The following IGFN1 variants were observed in gnomAD, a reference collection of about 807,000 sequenced individuals.
IGFN1 encodes the protein immunoglobulin like and fibronectin type III domain containing 1.
Under a neutral mutation model 289.5 loss-of-function variants are expected in IGFN1, and 253 were observed. The observed-to-expected ratio is 0.87, with a 90% confidence interval of 0.79 to 0.97. IGFN1 has a LOEUF of 0.97. Among genes scored for constraint, IGFN1 ranks in the 50% least tolerant of loss-of-function variants. The probability of loss-of-function intolerance (pLI) is 0.00; values close to 1 mark genes in which losing one functional copy is unlikely to be tolerated. For missense variants in IGFN1, 4,470 were observed against 4,686.1 expected (o/e 0.95, Z 1.35); for synonymous variants, 1,706 against 1,788.5 (o/e 0.95, Z 1.16).
At chr1:201,216,126 C>A (rs1653246231) in intron 15 of IGFN1, 3 of 653,614 alleles carry the variant, frequency 4.6e-6, no homozygotes, top group Non-Finnish European at 8.4e-6. Flanking sequence ...GGTCCCCAGC[C>A]CTGAGTGGTG....
At position 201,228,398 on chromosome 1, in the gene IGFN1, A is replaced by G. The variant is rs1654252556; in HGVS notation, c.11126A>G (p.Ter3709TrpextTer72). 2 of 1,613,868 alleles carry G rather than the reference A, an allele frequency of 1.2e-6. No individual in the cohort carries two copies. The highest frequency in any genetic ancestry group is 1.7e-5 in the Admixed American group (1 of 60,000). ...CTGTGTCTTGCAGAACCCAGCACCTAGCCTCACCTCACCCTGGGATGGTCC... is the reference window on the plus strand; with the variant it reads ...CTGTGTCTTGCAGAACCCAGCACCTGGCCTCACCTCACCCTGGGATGGTCC... ...ATLIVIEPST* is the reference protein window; with the variant it reads ...ATLIVIEPSTW The change falls in exon 24 of 24, where the codon TAG becomes TGG. Residue 3709 changes from the stop codon to tryptophan, a stop_lost. Transcript: ENST00000335211.
chr1:201,203,839 G>C lies in IGFN1; in HGVS notation c.849G>C (p.Glu283Asp), dbSNP rs991869898. ...YEFQIQDLRP[E>D]DSGIYQVKVE... ...TCCAGATTCAAGACCTGAGGCCTGA[G>C]GACTCTGGCATTTACCAGGTCAAGG... Residue 283 changes from glutamate (E) to aspartate (D), a missense_variant, in exon 10 of 24, where the codon GAG becomes GAC. Around this residue, in one of 8 missense-constraint regions of IGFN1, gnomAD observed 2,011 missense variants for 1,953.4 expected, o/e 1.03. Coordinates refer to ENST00000335211, the MANE Select transcript of IGFN1 (RefSeq NM_001164586.2). 3.3e-5 allele frequency: 51 copies of C among 1,551,604 alleles called. No individual in the cohort carries two copies. Among genetic ancestry groups the C allele is most frequent in the Non-Finnish European group, 4.4e-5 (51 of 1,147,012 alleles).
intron 5 of IGFN1, 37 bp downstream of exon 5, chr1:201,197,354 G>C: frequency 7.5e-7 from 1 of 1,324,764 alleles, no homozygotes; most frequent in Non-Finnish European, 1.1e-6. Context: ...TCAGTGCACA[G>C]GGCAGAGACC....
rs761440474 is a variant in IGFN1, at chr1:201,209,030, G to T, written c.4137G>T (p.Arg1379Ser). 1.5e-5 allele frequency: 23 copies of T among 1,536,912 alleles called. No individual in the cohort carries two copies. The South Asian group carries it at 2.6e-4, about 17-fold the overall frequency. The change falls in exon 12 of 24, where the codon AGG becomes AGT. Residue 1379 changes from arginine (R) to serine (S), a missense_variant. Around this residue, in one of 8 missense-constraint regions of IGFN1, gnomAD observed 2,011 missense variants for 1,953.4 expected, o/e 1.03. Transcript: ENST00000335211. Reference protein sequence around the residue: ...EIGSMDETDNRKDLGVPEGMG... With the variant: ...EIGSMDETDNSKDLGVPEGMG... The stretch of plus-strand genomic sequence containing the variant: ...GGTCAATGGATGAAACAGATAATAG[G>T]AAAGATTTGGGGGTTCCTGAGGGAA...
In IGFN1 at chr1:201,206,465, A is replaced by G; in HGVS notation, c.1572A>G (p.Leu524=). The G allele has an allele frequency of 3.2e-6, 5 of 1,551,314 alleles. No homozygotes were observed. Among genetic ancestry groups the G allele is most frequent in the East Asian group, 2.4e-5 (1 of 40,918 alleles). ...GAAGCCTTGCAGAGAGGCCCCATCTACAGGGAGAGAGCTCAGAATCAGGGT... is the reference window on the plus strand; with the variant it reads ...GAAGCCTTGCAGAGAGGCCCCATCTGCAGGGAGAGAGCTCAGAATCAGGGT... ...WARSLAERPH[L]QGESSESGLG... The change falls in exon 12 of 24, where the codon CTA becomes CTG. Residue 524 remains leucine, a synonymous_variant. Coordinates refer to ENST00000335211, the MANE Select transcript of IGFN1 (RefSeq NM_001164586.2).
In IGFN1 at chr1:201,207,719, G is replaced by T. The variant is rs569706043; in HGVS notation, c.2826G>T (p.Lys942Asn). Residue 942 changes from lysine to asparagine, a missense_variant, in exon 12 of 24, where the codon AAG (lysine) becomes AAT (asparagine). By Grantham distance (94) the Lys-to-Asn change is moderately conservative. This residue lies in a region of IGFN1 where 2,011 missense variants were observed against 1,953.4 expected (regional missense o/e 1.03). Transcript: ENST00000335211. ...VKGPRGETGY[K>N]DGLEGPGRME... ...GACCCAGAGGTGAGACAGGCTATAA[G>T]GATGGCTTGGAAGGTCCCGGGAGAA... The T allele has an allele frequency of 6.5e-6, 10 of 1,537,130 alleles. No homozygotes were observed. In the Admixed American group the frequency reaches 1.6e-4, roughly 24 times the overall value.
Position 201,208,510 on chromosome 1 carries a change from A to G in IGFN1, c.3617A>G (p.Tyr1206Cys), listed in dbSNP as rs1249018909. 3.0e-5 allele frequency: 43 copies of G among 1,451,218 alleles called. No individual in the cohort carries two copies. The highest frequency in any genetic ancestry group is 3.4e-5 in the Non-Finnish European group (38 of 1,110,062). 89.9% of individuals were successfully genotyped at this position (1,451,218 alleles called of 1,614,324 possible). A position where few individuals can be genotyped will look rare whatever the true frequency, so the allele number is the denominator to read the frequency against. Residue 1206 changes from tyrosine to cysteine, a missense_variant, in exon 12 of 24, where the codon TAT (tyrosine) becomes TGT (cysteine). Tyr to Cys is a radical substitution (Grantham distance 194). Coordinates refer to ENST00000335211, the MANE Select transcript of IGFN1 (RefSeq NM_001164586.2). ...GCCGCTTCTGGGAGCCAGTGGGCTT[A>G]TGGGGCTGGCAATGTGCTGGGTTAT... ...NGAASGSQWA[Y>C]GAGNVLGYED...
Position 201,225,855 on chromosome 1 carries a change from G to T in IGFN1, c.10518G>T (p.Leu3506=). 6.2e-7 allele frequency: 1 copy of T among 1,613,008 alleles called. No individual in the cohort carries two copies. Among genetic ancestry groups the T allele is most frequent in the Non-Finnish European group, 8.5e-7 (1 of 1,179,814 alleles). The change falls in exon 22 of 24, where the codon CTG becomes CTT. Residue 3506 remains leucine, a synonymous_variant. Coordinates refer to ENST00000335211, the MANE Select transcript of IGFN1 (RefSeq NM_001164586.2). ...ACPQAPGPIH[L]QENVPGTVTA... is the part of the protein sequence containing the mutation. Reference sequence around the variant, plus strand: ...CGCAGGCCCCTGGGCCCATCCACCTGCAGGAGAACGTGCCTGGGACGGTGA... The same window carrying T: ...CGCAGGCCCCTGGGCCCATCCACCTTCAGGAGAACGTGCCTGGGACGGTGA...
rs1214645738 is a variant in IGFN1 at position 201,211,296 on chromosome 1, G to A, written c.6403G>A (p.Gly2135Arg). Residue 2135 changes from glycine to arginine, a missense_variant, in exon 12 of 24, where the codon GGG (glycine) becomes AGG (arginine). Physicochemically the swap from Gly to Arg is moderately radical, Grantham distance 125 (BLOSUM62 -2). This residue lies in a region of IGFN1 where 2,218 missense variants were observed against 2,114.1 expected (regional missense o/e 1.05). Transcript: ENST00000335211. The part of the protein sequence containing the change: ...RDGLGSSTEM[G>R]SVNEAGYRKD... ...TGGTTTAGGGAGTTCTACAGAAATG[G>A]GGTCAGTGAATGAGGCAGGTTATAG... 4 of 1,530,886 alleles carry A rather than the reference G, an allele frequency of 2.6e-6. No homozygotes were observed. Among genetic ancestry groups the A allele is most frequent in the Non-Finnish European group, 3.5e-6 (4 of 1,143,496 alleles). 94.8% of individuals were successfully genotyped at this position (1,530,886 alleles called of 1,614,324 possible). A position where few individuals can be genotyped will look rare whatever the true frequency, so the allele number is the denominator to read the frequency against.
At position 201,213,062 on chromosome 1, in the gene IGFN1, T is replaced by C; in HGVS notation, c.8169T>C (p.Asn2723=). ...AGGGGAATTCTACTGAGTGGGGGAATGCCCTCACCCCAAAACCTGGGGAGT... is the reference window on the plus strand; with the variant it reads ...AGGGGAATTCTACTGAGTGGGGGAACGCCCTCACCCCAAAACCTGGGGAGT... ...LGKGNSTEWG[N]ALTPKPGESG... is the part of the protein sequence containing the mutation. Residue 2723 remains asparagine (N), a synonymous_variant, in exon 12 of 24, where the codon AAT becomes AAC. Coordinates refer to ENST00000335211, the MANE Select transcript of IGFN1 (RefSeq NM_001164586.2). 1.3e-6 allele frequency: 2 copies of C among 1,551,582 alleles called. No homozygotes were observed. Among genetic ancestry groups the C allele is most frequent in the Non-Finnish European group, 1.7e-6 (2 of 1,146,952 alleles).
chr1:201,192,738 G>C (rs899524757), intron 1 of IGFN1, among the ~76,000 whole-genome samples: 1 of 152,164 alleles, frequency 6.6e-6, no homozygotes, highest in Non-Finnish European at 1.5e-5. Context: ...TCAGAGTTGG[G>C]GGAAGAGCCA....
chr1:201,219,914 GTTCTT>G (rs1302179852), intron 18 of IGFN1, among the ~76,000 whole-genome samples: 9 of 151,834 alleles, frequency 5.9e-5, no homozygotes, highest in African/African-American at 1.7e-4. Flanking sequence ...TTTCTTCTCT[GTTCTT>G]TTCTTTTCTT....
chr1:201,216,338 G>T (rs1332812735), intron 15 of IGFN1, 116 bp from the exon 16 acceptor site: 4 of 817,362 alleles, frequency 4.9e-6, no homozygotes, highest in African/African-American at 1.8e-5. Flanking sequence ...CTTATCTGCT[G>T]ATGAGTGGAT....
intron 4 of IGFN1, among the ~76,000 whole-genome samples, chr1:201,196,872 T>C (rs1018567993): frequency 4.6e-5 from 7 of 152,340 alleles, no homozygotes; most frequent in Admixed American, 3.3e-4. Flanking sequence ...ATTCCCATCT[T>C]ACAAATGAAG....
At chr1:201,225,518 G>C (rs913523078) in intron 21 of IGFN1, among the ~76,000 whole-genome samples, 1 of 152,176 alleles carries the variant, frequency 6.6e-6, no homozygotes, top group African/African-American at 2.4e-5. Context: ...GCGTGAACCC[G>C]GGAGTTGGAG....
chr1:201,226,301 C>T (rs529623544), intron 22 of IGFN1, among the ~76,000 whole-genome samples, 178 bp downstream of exon 22: 8 of 138,938 alleles, frequency 5.8e-5, no homozygotes, highest in South Asian at 2.4e-4. Flanking sequence ...TGCCTCACAC[C>T]CACCTGTTCT....
chr1:201,213,490 C>T lies in IGFN1; in HGVS notation c.8597C>T (p.Pro2866Leu), dbSNP rs148203313. 5.0e-6 allele frequency: 8 copies of T among 1,613,882 alleles called. No individual in the cohort carries two copies. The highest frequency in any genetic ancestry group is 3.3e-5 in the Admixed American group (2 of 59,984). The change falls in exon 12 of 24, where the codon CCT (proline) becomes CTT (leucine). Residue 2866 changes from proline (P) to leucine (L), a missense_variant. Pro to Leu is a moderately conservative substitution (Grantham distance 98). This residue lies in a region of IGFN1 where 2,218 missense variants were observed against 2,114.1 expected (regional missense o/e 1.05). Coordinates refer to ENST00000335211, the MANE Select transcript of IGFN1 (RefSeq NM_001164586.2). The stretch of plus-strand genomic sequence containing the variant: ...AATGAAGATCAGAGCCGGGAGCCCC[C>T]TGGTCACCTTGGTAGCAGGAGAAGT... Reference protein sequence around the residue: ...MLNEDQSREPPGHLGSRRSGK... With the variant: ...MLNEDQSREPLGHLGSRRSGK...
Position 201,211,366 on chromosome 1 carries a change from C to T in IGFN1, c.6473C>T (p.Ala2158Val). 6.7e-7 allele frequency: 1 copy of T among 1,490,598 alleles called. No individual in the cohort carries two copies. The highest frequency in any genetic ancestry group is 8.9e-7 in the Non-Finnish European group (1 of 1,118,568). The allele number at this position is 1,490,598 out of a possible 1,614,324, so 92.3% of individuals were successfully genotyped here. A position where few individuals can be genotyped will look rare whatever the true frequency, so the allele number is the denominator to read the frequency against. Residue 2158 changes from alanine to valine, a missense_variant, in exon 12 of 24, where the codon GCA (alanine) becomes GTA (valine). Physicochemically the swap from Ala to Val is moderately conservative, Grantham distance 64 (BLOSUM62 0). Around this residue, in one of 8 missense-constraint regions of IGFN1, gnomAD observed 2,218 missense variants for 2,114.1 expected, o/e 1.05. Coordinates refer to ENST00000335211, the MANE Select transcript of IGFN1 (RefSeq NM_001164586.2). ...APKGMGSESKAGFRDGLGSSG... is the reference protein window; with the variant it reads ...APKGMGSESKVGFRDGLGSSG... ...AAGGGAATGGGTTCAGAGAGTAAGGCAGGTTTTAGGGATGGTTTAGGGAGT... is the reference window on the plus strand; with the variant it reads ...AAGGGAATGGGTTCAGAGAGTAAGGTAGGTTTTAGGGATGGTTTAGGGAGT...
In IGFN1 at chr1:201,208,514, G is replaced by A; in HGVS notation, c.3621G>A (p.Gly1207=). The part of the protein sequence containing the change: ...GAASGSQWAY[G]AGNVLGYEDG... Reference sequence around the variant, plus strand: ...CTTCTGGGAGCCAGTGGGCTTATGGGGCTGGCAATGTGCTGGGTTATGAGG... The same window carrying A: ...CTTCTGGGAGCCAGTGGGCTTATGGAGCTGGCAATGTGCTGGGTTATGAGG... Residue 1207 remains glycine (G), a synonymous_variant, in exon 12 of 24, where the codon GGG becomes GGA. Coordinates refer to ENST00000335211, the MANE Select transcript of IGFN1 (RefSeq NM_001164586.2). The A allele has an allele frequency of 6.9e-7, 1 of 1,452,384 alleles. No individual in the cohort carries two copies. Among genetic ancestry groups the A allele is most frequent in the Non-Finnish European group, 9.0e-7 (1 of 1,110,658 alleles). The allele number at this position is 1,452,384 out of a possible 1,614,324, so 90.0% of individuals were successfully genotyped here.
Sources: allele counts gnomAD v4.1 joint callset (sites outside exome capture counted in the v4.1 genomes callset), GRCh38; gene constraint gnomAD v4.1.1; regional missense constraint gnomAD v4.1.1; transcripts MANE v1.5; gene names NCBI Gene and HGNC (gene_info 2026-07-23, HGNC 2026-07-21).